Variants in CSMD1 observed in about 807,000 individuals in gnomAD.
The protein encoded by CSMD1 is CUB and Sushi multiple domains 1.
A neutral mutation model predicts 417.5 loss-of-function variants in CSMD1; 213 were observed. That is an observed-to-expected ratio of 0.51 (90% CI 0.46 to 0.57). CSMD1 has a LOEUF of 0.57. Ranked by LOEUF, CSMD1 falls within the 20% of genes least tolerant of loss-of-function variation. CSMD1 has a pLI of 0.00. For missense variants in CSMD1, 6,923 were observed against 4,529.7 expected, an observed-to-expected ratio of 1.53 and a Z score of -15.17; for synonymous variants, 2,862 against 1,736.8, an observed-to-expected ratio of 1.65 and a Z score of -16.11.
intron 15 of CSMD1, among the ~76,000 whole-genome samples, chr8:3,405,736 C>G: frequency 6.6e-6 from 1 of 152,136 alleles, no homozygotes; most frequent in East Asian, 1.9e-4. Context: ...TGAGGCTTCT[C>G]CAGCCATGGA....
chr8:4,152,864 A>T (rs1796643103), intron 3 of CSMD1, among the ~76,000 whole-genome samples: 1 of 152,170 alleles, frequency 6.6e-6, no homozygotes, highest in Admixed American at 6.6e-5. Flanking sequence ...TTATGGAGAA[A>T]TGAGAAATTA....
intron 3 of CSMD1, among the ~76,000 whole-genome samples, chr8:4,226,623 A>G (rs2128811209): frequency 6.6e-6 from 1 of 152,344 alleles, no homozygotes; most frequent in South Asian, 2.1e-4. Flanking sequence ...CTATAACATC[A>G]ATTACTTCAT....
At chr8:4,477,727 CA>C (rs1361583324) in intron 2 of CSMD1, among the ~76,000 whole-genome samples, 2 of 152,114 alleles carry the variant, frequency 1.3e-5, no homozygotes, top group African/African-American at 4.8e-5. Context: ...ATGCACATAC[CA>C]AAAGCCATTC....
chr8:3,165,686 C>A (rs565990120), intron 37 of CSMD1, among the ~76,000 whole-genome samples: 1 of 152,070 alleles, frequency 6.6e-6, no homozygotes, highest in East Asian at 1.9e-4. Context: ...CCTGCCTCAG[C>A]CTCCCCAAAG....
At chr8:3,264,247 T>G (rs1245216591) in intron 26 of CSMD1, among the ~76,000 whole-genome samples, 2 of 152,210 alleles carry the variant, frequency 1.3e-5, no homozygotes, top group African/African-American at 4.8e-5. Flanking sequence ...AATTCACCAG[T>G]TCTTTATTAA....
intron 1 of CSMD1, among the ~76,000 whole-genome samples, chr8:4,640,658 A>G (rs1187963644): frequency 1.3e-5 from 2 of 152,184 alleles, no homozygotes; most frequent in African/African-American, 4.8e-5. Flanking sequence ...GGATTATTTT[A>G]ATTGAATATT....
intron 26 of CSMD1, among the ~76,000 whole-genome samples, chr8:3,258,707 A>G (rs770306989): frequency 5.9e-5 from 9 of 152,242 alleles, no homozygotes; most frequent in Non-Finnish European, 1.0e-4. Context: ...CCCATCAGTG[A>G]TAGACTGGAT....
chr8:4,192,641 A>C (rs899230941), intron 3 of CSMD1, among the ~76,000 whole-genome samples: 1 of 152,236 alleles, frequency 6.6e-6, no homozygotes, highest in Non-Finnish European at 1.5e-5. Context: ...ATATTTGCTC[A>C]GGGATCAGAG....
intron 5 of CSMD1, among the ~76,000 whole-genome samples, chr8:3,862,096 A>T (rs745590899): frequency 1.3e-5 from 2 of 152,184 alleles, no homozygotes; most frequent in Non-Finnish European, 2.9e-5. Flanking sequence ...CAGTGAAAAT[A>T]CACTATCATT....
Position 3,052,495 on chromosome 8 carries a change from A to G in CSMD1, c.7627T>C (p.Trp2543Arg). The change falls in exon 50 of 70, where the codon TGG (tryptophan) becomes CGG (arginine). Residue 2543 changes from tryptophan (W) to arginine (R), a missense_variant. By Grantham distance (101) the Trp-to-Arg change is moderately radical. Coordinates refer to ENST00000635120, the MANE Select transcript of CSMD1 (RefSeq NM_033225.6). Reference protein sequence around the residue: ...ATAVCQEDGLWSNKGKPPTCK... With the variant: ...ATAVCQEDGLRSNKGKPPTCK... ...GTGGGCGGCTTCCCCTTGTTACTCCACAACCCATCTTCTTGACACACGGCT... is the reference window on the plus strand; with the variant it reads ...GTGGGCGGCTTCCCCTTGTTACTCCGCAACCCATCTTCTTGACACACGGCT... The G allele has an allele frequency of 1.3e-6, 2 of 1,591,938 alleles. No homozygotes were observed. Among genetic ancestry groups the G allele is most frequent in the South Asian group, 1.1e-5 (1 of 87,310 alleles).
At chr8:4,418,865 C>T (rs1005052623) in intron 3 of CSMD1, among the ~76,000 whole-genome samples, 7 of 152,238 alleles carry the variant, frequency 4.6e-5, no homozygotes, top group Admixed American at 3.9e-4. Context: ...AATGCGGTGG[C>T]ATGAAAGACA....
intron 7 of CSMD1, among the ~76,000 whole-genome samples, chr8:3,705,339 C>G (rs1458084425): frequency 6.6e-6 from 1 of 152,200 alleles, no homozygotes; most frequent in African/African-American, 2.4e-5. Flanking sequence ...CTGCAGGAGG[C>G]AGCTCAGCCT....
intron 10 of CSMD1, among the ~76,000 whole-genome samples, chr8:3,556,392 A>AT (rs1554468279): frequency 0.012 from 1,409 of 120,212 alleles, 81 homozygotes; most frequent in African/African-American, 0.043. Context: ...TATAATAATT[A>AT]ATATATATAT....
At chr8:4,743,720 G>A (rs535756721) in intron 1 of CSMD1, among the ~76,000 whole-genome samples, 1 of 152,268 alleles carries the variant, frequency 6.6e-6, no homozygotes, top group East Asian at 1.9e-4. Flanking sequence ...ATGTATAAAG[G>A]AGATTTTCTC....
At position 4,266,772 on chromosome 8, in the gene CSMD1, A is replaced by G. The variant is rs1318019354; in HGVS notation, c.415+153181T>C. Among the ~76,000 whole-genome samples, 32 of 105,278 alleles carry G rather than the reference A, an allele frequency of 3.0e-4. 12 individuals carry two copies. The highest frequency in any genetic ancestry group is 6.7e-4 in the Non-Finnish European group (26 of 39,032). The allele number at this position is 105,278 out of a possible 152,430, so 69.1% of individuals were successfully genotyped here. On this transcript the variant is annotated intron_variant, in intron 3 of 69. Transcript: ENST00000635120. ...TTGATGATCTATAAATCCTCAAAATAGTAGCACAGAGAATCTAGATGAAAA... is the reference window on the plus strand; with the variant it reads ...TTGATGATCTATAAATCCTCAAAATGGTAGCACAGAGAATCTAGATGAAAA...
At chr8:4,417,134 G>C (rs962090158) in intron 3 of CSMD1, among the ~76,000 whole-genome samples, 1 of 151,952 alleles carries the variant, frequency 6.6e-6, no homozygotes, top group Non-Finnish European at 1.5e-5. Flanking sequence ...CTTAATTGCT[G>C]AGACTTGCTG....
intron 3 of CSMD1, among the ~76,000 whole-genome samples, chr8:4,303,885 G>C (rs1320700900): frequency 6.6e-6 from 1 of 151,982 alleles, no homozygotes; most frequent in East Asian, 1.9e-4. Context: ...TCGAACTCCT[G>C]ACCTTGTGAT....
At chr8:4,141,897 C>T (rs1803813707) in intron 3 of CSMD1, among the ~76,000 whole-genome samples, 1 of 150,936 alleles carries the variant, frequency 6.6e-6, no homozygotes, top group Non-Finnish European at 1.5e-5. Context: ...GGAAAGAAAA[C>T]ATGAGAACTT....
intron 1 of CSMD1, among the ~76,000 whole-genome samples, chr8:4,836,360 AG>A (rs1320638693): frequency 6.6e-6 from 1 of 152,170 alleles, no homozygotes; most frequent in Non-Finnish European, 1.5e-5. Flanking sequence ...TTCTATGTGG[AG>A]CCATGCCACA....
Sources: gnomAD v4.1 joint callset for allele counts (sites outside exome capture counted in the v4.1 genomes callset) on GRCh38, gnomAD v4.1.1 for gene constraint, MANE v1.5 for transcripts, NCBI Gene and HGNC (gene_info 2026-07-23, HGNC 2026-07-21) for gene names.